Variants in SMC6 observed in about 807,000 individuals in gnomAD.
SMC6 encodes structural maintenance of chromosomes 6, also known as structural maintenance of chromosomes protein 6.
Under a neutral mutation model 142.2 loss-of-function variants are expected in SMC6, and 79 were observed. The ratio of observed to expected loss-of-function variants is 0.56; its 90% confidence interval spans 0.46 to 0.67. The LOEUF (loss-of-function observed/expected upper bound fraction) is 0.67, where lower values mean the gene tolerates loss of function less well. Among genes scored for constraint, SMC6 ranks in the 30% least tolerant of loss-of-function variants. SMC6 has a pLI of 0.00. For missense variants in SMC6, 1,072 were observed against 1,284.0 expected (o/e 0.83, Z 2.52); for synonymous variants, 411 against 412.4 (o/e 1.00, Z 0.04).
intron 26 of SMC6, among the ~76,000 whole-genome samples, chr2:17,667,561 T>C (rs1025285567): frequency 1.3e-5 from 2 of 152,142 alleles, no homozygotes; most frequent in African/African-American, 4.8e-5. Flanking sequence ...TTTAATACTA[T>C]ATGTGGTGCC....
At chr2:17,700,099 G>T in intron 21 of SMC6, 109 bp downstream of exon 21, 1 of 610,358 alleles carries the variant, frequency 1.6e-6, no homozygotes. Flanking sequence ...CAATTTTTAT[G>T]CTATTTACAT....
Position 17,670,566 on chromosome 2 carries a change from C to A in SMC6, c.2920G>T (p.Gly974Ter). The change falls in exon 26 of 28, where the codon GGA becomes TGA. Residue 974 changes from glycine (G) to a stop codon, truncating the protein, a stop_gained. Transcript: ENST00000448223. LOFTEE classifies it high-confidence loss of function. ...TTGAAAGCAGCTTTATTTCCTTCTC[C>A]AGGCTGAACCTTGAAGAGAATGAGT... ...NETLSISVQP[G>*]EGNKAAFNDM... 1 of 1,556,674 alleles carries A rather than the reference C, an allele frequency of 6.4e-7. No individual in the cohort carries two copies. The highest frequency in any genetic ancestry group is 8.6e-7 in the Non-Finnish European group (1 of 1,160,360).
chr2:17,749,030 C>T (rs2125092665), intron 2 of SMC6, among the ~76,000 whole-genome samples: 1 of 152,306 alleles, frequency 6.6e-6, no homozygotes, highest in Non-Finnish European at 1.5e-5. Flanking sequence ...TTGCATCTAA[C>T]AGACACTGAA....
intron 5 of SMC6, among the ~76,000 whole-genome samples, chr2:17,736,731 A>T (rs1372051153): frequency 6.6e-6 from 1 of 150,998 alleles, no homozygotes; most frequent in Non-Finnish European, 1.5e-5. Context: ...AAAATTAGCC[A>T]GGCGTTGTGG....
At chr2:17,688,470 T>A (rs1185889795) in intron 23 of SMC6, among the ~76,000 whole-genome samples, 9 of 151,716 alleles carry the variant, frequency 5.9e-5, no homozygotes, top group Admixed American at 5.9e-4. Context: ...GAGGCTGAGG[T>A]GGGAGGATCA....
intron 5 of SMC6, among the ~76,000 whole-genome samples, chr2:17,732,264 G>T (rs1384902957): frequency 1.3e-5 from 2 of 152,144 alleles, no homozygotes; most frequent in African/African-American, 4.8e-5. Context: ...AAAGCATCAT[G>T]CTTGACAGTA....
At chr2:17,716,431 T>C (rs950565878) in intron 14 of SMC6, among the ~76,000 whole-genome samples, 167 bp from the exon 15 acceptor site, 1 of 151,998 alleles carries the variant, frequency 6.6e-6, no homozygotes, top group Non-Finnish European at 1.5e-5. Context: ...AGAAAAACAG[T>C]CTGGAGTCCT....
intron 2 of SMC6, among the ~76,000 whole-genome samples, chr2:17,748,428 T>C (rs1305746885): frequency 6.6e-6 from 1 of 152,214 alleles, no homozygotes; most frequent in Non-Finnish European, 1.5e-5. Context: ...TTACTTACCA[T>C]CCAAAGAAGG....
Position 17,707,210 on chromosome 2 carries a change from G to C in SMC6, c.2006+9C>G. 2 of 1,544,702 alleles carry C rather than the reference G, an allele frequency of 1.3e-6. No homozygotes were observed. The highest frequency in any genetic ancestry group is 1.7e-6 in the Non-Finnish European group (2 of 1,148,016). On this transcript the variant is annotated intron_variant, in intron 18 of 27. Coordinates refer to ENST00000448223, the MANE Select transcript of SMC6 (RefSeq NM_001142286.2). ...GGAATGATACAGTAAAGCTAAACTT[G>C]ACTCTAACCTTATTTCAGAATCCAC...
At chr2:17,679,031 G>T in intron 24 of SMC6, 67 bp from the exon 25 acceptor site, 1 of 1,054,804 alleles carries the variant, frequency 9.5e-7, no homozygotes, top group South Asian at 1.5e-5. Context: ...TATTCAGCAT[G>T]ATCTAAGCAT....
chr2:17,732,846 T>C (rs982819118), intron 5 of SMC6, among the ~76,000 whole-genome samples: 3 of 152,150 alleles, frequency 2.0e-5, no homozygotes, highest in Admixed American at 1.3e-4. Context: ...GGCTCTGTTA[T>C]AGTTTTTAAA....
At chr2:17,730,427 T>G (rs1572342173) in intron 7 of SMC6, among the ~76,000 whole-genome samples, 1 of 147,682 alleles carries the variant, frequency 6.8e-6, no homozygotes, top group Non-Finnish European at 1.5e-5. Flanking sequence ...GTTTAGCAAC[T>G]GAGTTTAGGG....
chr2:17,716,520 A>G (rs1170368874), intron 14 of SMC6, among the ~76,000 whole-genome samples: 1 of 152,210 alleles, frequency 6.6e-6, no homozygotes, highest in African/African-American at 2.4e-5. Context: ...CAACTATAAG[A>G]AAAGTCTTGA....
intron 9 of SMC6, among the ~76,000 whole-genome samples, chr2:17,723,690 A>G (rs756289750): frequency 2.6e-5 from 4 of 152,128 alleles, no homozygotes; most frequent in African/African-American, 4.8e-5. Flanking sequence ...ACGATACTCA[A>G]ATTATTTACC....
chr2:17,686,890 T>C (rs1667480561), intron 23 of SMC6, among the ~76,000 whole-genome samples: 1 of 152,186 alleles, frequency 6.6e-6, no homozygotes, highest in Non-Finnish European at 1.5e-5. Flanking sequence ...GTATACAAAC[T>C]TTGTTCCGTG....
At chr2:17,735,737 G>A (rs575038557) in intron 5 of SMC6, among the ~76,000 whole-genome samples, 2 of 152,336 alleles carry the variant, frequency 1.3e-5, no homozygotes, top group South Asian at 4.1e-4. Flanking sequence ...CAGTCCCTGT[G>A]TCACTGCAAA....
At chr2:17,701,613 T>A (rs528038806) in intron 20 of SMC6, among the ~76,000 whole-genome samples, 1 of 152,124 alleles carries the variant, frequency 6.6e-6, no homozygotes, top group Non-Finnish European at 1.5e-5. Flanking sequence ...GGAGACAAAA[T>A]CAATTATTAT....
chr2:17,746,683 T>C (rs940073642), intron 2 of SMC6, among the ~76,000 whole-genome samples: 2 of 152,164 alleles, frequency 1.3e-5, no homozygotes, highest in African/African-American at 4.8e-5. Flanking sequence ...TTACACATGA[T>C]TTTGCTAAAC....
At chr2:17,729,381 G>T (rs1025526201) in intron 7 of SMC6, among the ~76,000 whole-genome samples, 1 of 152,114 alleles carries the variant, frequency 6.6e-6, no homozygotes, top group Admixed American at 6.6e-5. Flanking sequence ...TTTCAACAGA[G>T]AATAACATGT....
Sources: gnomAD v4.1 joint callset for allele counts (sites outside exome capture counted in the v4.1 genomes callset) on GRCh38, gnomAD v4.1.1 for gene constraint, MANE v1.5 for transcripts, NCBI Gene and HGNC (gene_info 2026-07-23, HGNC 2026-07-21) for gene names.